MSRA: variants seen among roughly 807,000 people sequenced by gnomAD.
MSRA encodes the protein methionine sulfoxide reductase A.
A neutral mutation model predicts 31.3 loss-of-function variants in MSRA; 54 were observed. The observed-to-expected ratio is 1.73, with a 90% confidence interval of 1.39 to 2.17. MSRA has a LOEUF of 2.17. Ranked by LOEUF, MSRA falls within the 30% of genes most tolerant of loss-of-function variation. The probability of loss-of-function intolerance (pLI) is 0.00; values close to 1 mark genes in which losing one functional copy is unlikely to be tolerated. For missense variants in MSRA, 507 were observed against 300.9 expected (o/e 1.69, Z -5.07); for synonymous variants, 169 against 116.5 (o/e 1.45, Z -2.90).
chr8:10,130,608 C>T (rs896304193), intron 1 of MSRA, among the ~76,000 whole-genome samples: 1 of 152,178 alleles, frequency 6.6e-6, no homozygotes, highest in African/African-American at 2.4e-5. Flanking sequence ...ATCTTGGCGT[C>T]ACTATGCACA....
At position 10,325,469 on chromosome 8, in the gene MSRA, CT is replaced by C. The variant is rs1802307775; in HGVS notation, c.543+5481del. Among the ~76,000 whole-genome samples the C allele has an allele frequency of 2.0e-5, 3 of 152,140 alleles. No homozygotes were observed. In the South Asian group the frequency reaches 6.2e-4, roughly 32 times the overall value. Reference sequence around the variant, plus strand: ...TCATGTATAGATCTTAGGTGTTTATCTGTGTACATATATTTGTTTAGCTGTA... The same window carrying C: ...TCATGTATAGATCTTAGGTGTTTATCGTGTACATATATTTGTTTAGCTGTA... On this transcript the variant is annotated intron_variant, in intron 5 of 5. Coordinates refer to ENST00000317173, the MANE Select transcript of MSRA (RefSeq NM_012331.5).
intron 5 of MSRA, among the ~76,000 whole-genome samples, chr8:10,402,884 G>A (rs1807552634): frequency 6.6e-6 from 1 of 152,230 alleles, no homozygotes; most frequent in African/African-American, 2.4e-5. Context: ...CATGGGTAAT[G>A]ACCCTGATTC....
intron 4 of MSRA, among the ~76,000 whole-genome samples, chr8:10,305,446 C>T (rs1008448080): frequency 6.7e-5 from 9 of 134,680 alleles, no homozygotes; most frequent in Non-Finnish European, 1.4e-4. Flanking sequence ...TGGAGTCTTG[C>T]TCTGTTGCCT....
chr8:10,376,579 A>G (rs1349642812), intron 5 of MSRA, among the ~76,000 whole-genome samples: 1 of 152,192 alleles, frequency 6.6e-6, no homozygotes, highest in Non-Finnish European at 1.5e-5. Context: ...TTCCAGGTAA[A>G]GCTCTTAGAA....
chr8:10,185,284 C>T (rs1806929532), intron 1 of MSRA, among the ~76,000 whole-genome samples: 1 of 152,198 alleles, frequency 6.6e-6, no homozygotes, highest in South Asian at 2.1e-4. Context: ...TTATAAATTA[C>T]TCTGAGTCCC....
rs1031978370 is a variant in MSRA, at chr8:10,115,888, C to G, written c.142+61230C>G. ...AAACACACAAAAATGTAAACACTAT[C>G]CATTTTTAAAACAAGATACTAATTT... On this transcript the variant is annotated intron_variant, in intron 1 of 5. Transcript: ENST00000317173. 3.9e-5 allele frequency among the ~76,000 whole-genome samples: 6 copies of G among 152,172 alleles called. No homozygotes were observed. The South Asian group carries it at 1.2e-3, about 32-fold the overall frequency.
intron 2 of MSRA, among the ~76,000 whole-genome samples, chr8:10,211,095 A>G (rs907297886): frequency 1.3e-5 from 2 of 152,124 alleles, no homozygotes; most frequent in Non-Finnish European, 2.9e-5. Flanking sequence ...AATGCTACCG[A>G]AATAAGAACT....
chr8:10,198,363 T>A (rs986732796), intron 1 of MSRA, among the ~76,000 whole-genome samples: 6 of 152,066 alleles, frequency 3.9e-5, no homozygotes, highest in Non-Finnish European at 8.8e-5. Flanking sequence ...TCCATATATA[T>A]TATTATTATT....
intron 1 of MSRA, among the ~76,000 whole-genome samples, chr8:10,138,064 C>A (rs189079184): frequency 6.6e-6 from 1 of 151,998 alleles, no homozygotes; most frequent in Non-Finnish European, 1.5e-5. Flanking sequence ...GGGTCACAGG[C>A]GTATATAGAT....
chr8:10,067,717 G>C (rs932433782), intron 1 of MSRA, among the ~76,000 whole-genome samples: 11 of 152,120 alleles, frequency 7.2e-5, no homozygotes, highest in Non-Finnish European at 1.3e-4. Context: ...CTATTCCACA[G>C]ACATTTAGTG....
intron 1 of MSRA, among the ~76,000 whole-genome samples, chr8:10,092,386 C>T (rs371428436): frequency 2.8e-4 from 43 of 152,122 alleles, no homozygotes; most frequent in African/African-American, 3.9e-4. Context: ...TGGCCAGGCA[C>T]GGTGGCTCAC....
At chr8:10,355,353 G>A (rs755285773) in intron 5 of MSRA, among the ~76,000 whole-genome samples, 4 of 152,190 alleles carry the variant, frequency 2.6e-5, no homozygotes, top group South Asian at 2.1e-4. Context: ...CTTTATCGCC[G>A]ATAGATATGA....
At chr8:10,282,471 C>A (rs906098440) in intron 3 of MSRA, among the ~76,000 whole-genome samples, 1 of 152,202 alleles carries the variant, frequency 6.6e-6, no homozygotes, top group African/African-American at 2.4e-5. Context: ...CCTAGCAAAG[C>A]CATATTTGCC....
At chr8:10,094,639 A>G (rs1348092182) in intron 1 of MSRA, among the ~76,000 whole-genome samples, 1 of 152,210 alleles carries the variant, frequency 6.6e-6, no homozygotes, top group African/African-American at 2.4e-5. Flanking sequence ...TTTCTATGAA[A>G]CGATGATTCT....
At chr8:10,394,693 C>T (rs957501295) in intron 5 of MSRA, among the ~76,000 whole-genome samples, 3 of 152,234 alleles carry the variant, frequency 2.0e-5, no homozygotes, top group Non-Finnish European at 4.4e-5. Flanking sequence ...GCTCAGGAAA[C>T]AGGTCCTGCT....
intron 5 of MSRA, among the ~76,000 whole-genome samples, chr8:10,342,193 T>G (rs575523334): frequency 2.6e-5 from 4 of 152,352 alleles, no homozygotes; most frequent in African/African-American, 9.6e-5. Flanking sequence ...TCCATGGGTC[T>G]CACAAGCATG....
In MSRA at chr8:10,298,056, T is replaced by A. The variant is rs995064183; in HGVS notation, c.332-3478T>A. ...GGTTGAAACCTGGTTCGCGTATGACTGAATCCTCTTACGTCCTCACTGTTG... is the reference window on the plus strand; with the variant it reads ...GGTTGAAACCTGGTTCGCGTATGACAGAATCCTCTTACGTCCTCACTGTTG... On this transcript the variant is annotated intron_variant, in intron 3 of 5. Coordinates refer to ENST00000317173, the MANE Select transcript of MSRA (RefSeq NM_012331.5). Among the ~76,000 whole-genome samples, 8 of 152,336 alleles carry A rather than the reference T, an allele frequency of 5.3e-5. No homozygotes were observed. The East Asian group carries it at 1.5e-3, about 29-fold the overall frequency.
At chr8:10,079,168 CT>C (rs200274857) in intron 1 of MSRA, among the ~76,000 whole-genome samples, 3 of 151,098 alleles carry the variant, frequency 2.0e-5, no homozygotes, top group Non-Finnish European at 3.0e-5. Flanking sequence ...GTACTTTTTT[CT>C]TTTTTTTTAG....
rs566621950 is a variant in MSRA, at chr8:10,174,126, G to A, written c.143-33707G>A. On this transcript the variant is annotated intron_variant, in intron 1 of 5. Coordinates refer to ENST00000317173, the MANE Select transcript of MSRA (RefSeq NM_012331.5). ...AGACCAGTAATGGAGGGAAGGTTTC[G>A]GGGAAGGAGGTTAGAAGCAGCCTTA... Among the ~76,000 whole-genome samples, 12 of 152,294 alleles carry A rather than the reference G, an allele frequency of 7.9e-5. No homozygotes were observed. The East Asian group carries it at 1.2e-3, about 15-fold the overall frequency.
Sources: allele counts gnomAD v4.1 joint callset (sites outside exome capture counted in the v4.1 genomes callset), GRCh38; gene constraint gnomAD v4.1.1; transcripts MANE v1.5; gene names NCBI Gene and HGNC (gene_info 2026-07-23, HGNC 2026-07-21).